Variants in SUMO3 observed in about 807,000 individuals in gnomAD.
The protein encoded by SUMO3 is small ubiquitin-related modifier 3.
In SUMO3, 2 loss-of-function variants were observed where a neutral mutation model predicts 11.1. That is an observed-to-expected ratio of 0.18 (90% confidence interval 0.07 to 0.57). SUMO3 has a LOEUF of 0.57. SUMO3 is among the 20% of genes least tolerant of loss of function. The pLI is 0.92. For missense variants in SUMO3, 70 were observed against 132.8 expected (o/e 0.53, Z 2.32); for synonymous variants, 56 against 53.5 (o/e 1.05, Z -0.20).
intron 1 of SUMO3, among the ~76,000 whole-genome samples, chr21:44,816,190 T>C (rs562119390): frequency 2.6e-5 from 4 of 152,348 alleles, no homozygotes; most frequent in Admixed American, 2.6e-4. Flanking sequence ...AGAAAATTAA[T>C]ATCATATGTA....
Position 44,807,456 on chromosome 21 carries a change from A to G in SUMO3, c.223-416T>C, listed in dbSNP as rs1411553297. Among the ~76,000 whole-genome samples the G allele has an allele frequency of 1.3e-5, 2 of 152,168 alleles. No homozygotes were observed. Among genetic ancestry groups the G allele is most frequent in the East Asian group, 1.9e-4 (1 of 5,188 alleles). Reference sequence around the variant, plus strand: ...CGCTTTATACCAAGTGCGGGGGACCATGCCATGAAAGCCAAAGCCCCCAGC... The same window carrying G: ...CGCTTTATACCAAGTGCGGGGGACCGTGCCATGAAAGCCAAAGCCCCCAGC... On this transcript the variant is annotated intron_variant, in intron 3 of 3. Coordinates refer to ENST00000332859, the MANE Select transcript of SUMO3 (RefSeq NM_006936.3). This position sits in a 1 kb window ranked among gnomAD's most constrained non-coding sequence, Gnocchi z 4.3.
chr21:44,808,688 G>A, intron 3 of SUMO3: 1 of 1,342,844 alleles, frequency 7.4e-7, no homozygotes, highest in Non-Finnish European at 9.7e-7. Context: ...TGTGCAAGAT[G>A]CTTAAAGGGC....
intron 1 of SUMO3, among the ~76,000 whole-genome samples, chr21:44,814,459 T>C (rs981341005): frequency 2.6e-5 from 4 of 152,232 alleles, no homozygotes; most frequent in Non-Finnish European, 5.9e-5. Flanking sequence ...CCCAGTACTT[T>C]GGGAGTTGAC....
Position 44,810,986 on chromosome 21 carries a change from GCA to G in SUMO3, c.151-1870_151-1869del, listed in dbSNP as rs777360247. ...CATGCACACCCATGCACACACCCAT[GCA>G]CACACCCACACATGCACACACCCAC... On this transcript the variant is annotated intron_variant, in intron 2 of 3. Transcript: ENST00000332859. This position sits in a 1 kb window ranked among gnomAD's most constrained non-coding sequence, Gnocchi z 4.1. Among the ~76,000 whole-genome samples the G allele has an allele frequency of 6.8e-5, 8 of 117,816 alleles. No homozygotes were observed. Among genetic ancestry groups the G allele is most frequent in the Admixed American group, 1.6e-4 (2 of 12,380 alleles). The allele number at this position is 117,816 out of a possible 152,430, so 77.3% of individuals were successfully genotyped here. A position where few individuals can be genotyped will look rare whatever the true frequency, so the allele number is the denominator to read the frequency against.
intron 1 of SUMO3, 69 bp from the exon 2 acceptor site, chr21:44,814,173 C>A: frequency 6.3e-7 from 1 of 1,576,980 alleles, no homozygotes; most frequent in Non-Finnish European, 8.7e-7. Context: ...ATGGGCAAGT[C>A]TTTAGGTAAT....
chr21:44,808,997 C>G (rs975918434), intron 3 of SUMO3, 50 bp downstream of exon 3: 1 of 1,511,220 alleles, frequency 6.6e-7, no homozygotes, highest in Non-Finnish European at 9.2e-7. Flanking sequence ...TGGCAGTTAC[C>G]CCGCACAAAT....
In SUMO3 at chr21:44,806,557, AT is replaced by A. The variant is rs1181140248; in HGVS notation, c.*393del. 5.1e-6 allele frequency: 1 copy of A among 195,934 alleles called. No homozygotes were observed. The highest frequency in any genetic ancestry group is 1.1e-5 in the Non-Finnish European group (1 of 93,892). The allele number at this position is 195,934 out of a possible 1,614,324, so 12.1% of individuals were successfully genotyped here. ...TGCATCCCCACTGCGGGAAACACCA[AT>A]TCTCTATGTGACTGGAGTGAGCAGG... On this transcript the variant is annotated 3_prime_UTR_variant, in exon 4 of 4. Coordinates refer to ENST00000332859, the MANE Select transcript of SUMO3 (RefSeq NM_006936.3).
intron 1 of SUMO3, among the ~76,000 whole-genome samples, chr21:44,817,506 G>C (rs187742411): frequency 2.6e-5 from 4 of 152,172 alleles, no homozygotes. Context: ...ACTCGACACA[G>C]GATCCCGCAC....
intron 3 of SUMO3, 27 bp downstream of exon 3, chr21:44,809,020 T>C (rs749706803): frequency 2.5e-6 from 4 of 1,610,608 alleles, no homozygotes; most frequent in Non-Finnish European, 3.4e-6. Flanking sequence ...GAAGTCGCCC[T>C]GGAACCACGC....
In SUMO3 at chr21:44,810,004, A is replaced by G. The variant is rs1569307785; in HGVS notation, c.151-886T>C. ...TGTGTGCCAATGAGGGACAGATAAG[A>G]AGGCTGCATGAGGCCGGGGAGCAGT... On this transcript the variant is annotated intron_variant, in intron 2 of 3. Transcript: ENST00000332859. This position sits in a 1 kb window ranked among gnomAD's most constrained non-coding sequence, Gnocchi z 4.1. Among the ~76,000 whole-genome samples, 1 of 152,284 alleles carries G rather than the reference A, an allele frequency of 6.6e-6. No homozygotes were observed. The highest frequency in any genetic ancestry group is 3.4e-3 in the Middle Eastern group (1 of 294).
intron 2 of SUMO3, among the ~76,000 whole-genome samples, chr21:44,809,800 CAA>C (rs1183111576): frequency 1.3e-5 from 2 of 152,174 alleles, no homozygotes; most frequent in Non-Finnish European, 2.9e-5. Flanking sequence ...GCTTTTCAAT[CAA>C]AGTTTCTCAG....
rs2083259675 is a variant in SUMO3, at chr21:44,817,990, A to AGGCGGCGCGGGGG, written c.-35_-23dup. The stretch of plus-strand genomic sequence containing the variant: ...ACATGGCTGCGCGAGCGGCGCGGGG[A>AGGCGGCGCGGGGG]GGCGGCGCGGGGGAAGCAGCGCGGA... On this transcript the variant is annotated 5_prime_UTR_variant, in exon 1 of 4. Coordinates refer to ENST00000332859, the MANE Select transcript of SUMO3 (RefSeq NM_006936.3). 2 of 1,125,582 alleles carry AGGCGGCGCGGGGG rather than the reference A, an allele frequency of 1.8e-6. No individual in the cohort carries two copies. The highest frequency in any genetic ancestry group is 2.1e-6 in the Non-Finnish European group (2 of 932,048). The allele number at this position is 1,125,582 out of a possible 1,614,324, so 69.7% of individuals were successfully genotyped here.
At chr21:44,812,526 G>A (rs1048903234) in intron 2 of SUMO3, among the ~76,000 whole-genome samples, 2 of 152,226 alleles carry the variant, frequency 1.3e-5, no homozygotes, top group African/African-American at 2.4e-5. Context: ...CAGCCATGCA[G>A]TGTCTCAAAG....
In SUMO3 at chr21:44,810,489, C is replaced by T. The variant is rs1436138502; in HGVS notation, c.151-1371G>A. Reference sequence around the variant, plus strand: ...CCCCACAACCCTGTGCCTCCCACGGCAGCACACATGAGATGTGCTTTCTGA... The same window carrying T: ...CCCCACAACCCTGTGCCTCCCACGGTAGCACACATGAGATGTGCTTTCTGA... On this transcript the variant is annotated intron_variant, in intron 2 of 3. Coordinates refer to ENST00000332859, the MANE Select transcript of SUMO3 (RefSeq NM_006936.3). The surrounding 1 kb of genome is among the most constrained non-coding windows in gnomAD (Gnocchi z 4.1). Among the ~76,000 whole-genome samples the T allele has an allele frequency of 7.0e-6, 1 of 141,880 alleles. No individual in the cohort carries two copies. Among genetic ancestry groups the T allele is most frequent in the Non-Finnish European group, 1.5e-5 (1 of 67,228 alleles). The allele number at this position is 141,880 out of a possible 152,430, so 93.1% of individuals were successfully genotyped here.
chr21:44,813,723 G>T, intron 2 of SUMO3: 2 of 1,235,498 alleles, frequency 1.6e-6, no homozygotes, highest in Non-Finnish European at 2.2e-6. Flanking sequence ...CCGGGCAGCC[G>T]CCCTGTCAGG....
intron 1 of SUMO3, among the ~76,000 whole-genome samples, chr21:44,817,499 C>G (rs1259653235): frequency 2.0e-5 from 3 of 151,850 alleles, no homozygotes; most frequent in Non-Finnish European, 4.4e-5. Flanking sequence ...TCCGTGCACT[C>G]GACACAGGAT....
rs1334081816 is a variant in SUMO3 at position 44,806,713 on chromosome 21, A to G, written c.*238T>C. On this transcript the variant is annotated 3_prime_UTR_variant, in exon 4 of 4. Coordinates refer to ENST00000332859, the MANE Select transcript of SUMO3 (RefSeq NM_006936.3). The stretch of plus-strand genomic sequence containing the variant: ...CAAATGAGCACACAAAAGTACCCAC[A>G]ATATCTTGCAACTCATTTTACCTGA... The G allele has an allele frequency of 9.2e-7, 1 of 1,087,158 alleles. No individual in the cohort carries two copies. The highest frequency in any genetic ancestry group is 1.8e-5 in the South Asian group (1 of 55,652). 67.3% of individuals were successfully genotyped at this position (1,087,158 alleles called of 1,614,324 possible).
intron 3 of SUMO3, 117 bp downstream of exon 3, chr21:44,808,930 C>T: frequency 1.2e-6 from 1 of 812,722 alleles, no homozygotes; most frequent in Non-Finnish European, 2.1e-6. Flanking sequence ...TAATCAATAT[C>T]ATTAAGGCAT....
chr21:44,817,740 G>A (rs1318577512), intron 1 of SUMO3, among the ~76,000 whole-genome samples: 4 of 150,378 alleles, frequency 2.7e-5, no homozygotes, highest in Non-Finnish European at 4.5e-5. Flanking sequence ...CAGGCCCGGA[G>A]GGGGCGGAGC....
Sources: allele counts gnomAD v4.1 joint callset (sites outside exome capture counted in the v4.1 genomes callset), GRCh38; gene constraint gnomAD v4.1.1; non-coding constraint Gnocchi (gnomAD v3.1); transcripts MANE v1.5; gene names NCBI Gene and HGNC (gene_info 2026-07-23, HGNC 2026-07-21).